Variants in RBMS1 observed in about 807,000 individuals in gnomAD.
RBMS1 encodes RNA-binding motif, single-stranded-interacting protein 1.
Under a neutral mutation model 62.3 loss-of-function variants are expected in RBMS1, and 17 were observed. That is an observed-to-expected ratio of 0.27 (90% CI 0.19 to 0.41). The LOEUF (loss-of-function observed/expected upper bound fraction) is 0.41. RBMS1 is among the 10% of genes least tolerant of loss of function. The pLI, the probability that RBMS1 is intolerant of heterozygous loss-of-function variation, is 1.00. For synonymous variants in RBMS1, 172 were observed against 170.0 expected, an observed-to-expected ratio of 1.01 and a Z score of -0.09; for missense variants, 334 against 504.5, an observed-to-expected ratio of 0.66 and a Z score of 3.24.
intron 1 of RBMS1, among the ~76,000 whole-genome samples, chr2:160,419,872 C>T (rs1253875050): frequency 6.6e-6 from 1 of 152,174 alleles, no homozygotes; most frequent in East Asian, 1.9e-4. Flanking sequence ...ACAAAGGTTA[C>T]AGTAAACCCA....
chr2:160,365,784 C>T (rs945007914), intron 2 of RBMS1, among the ~76,000 whole-genome samples: 5 of 152,192 alleles, frequency 3.3e-5, no homozygotes, highest in African/African-American at 1.2e-4. Context: ...CTCTTATCTA[C>T]CTGTAATTAC....
At chr2:160,426,282 AAAGAAAGAAAAGAAAGAAG>A (rs1682596583) in intron 1 of RBMS1, among the ~76,000 whole-genome samples, 2 of 111,694 alleles carry the variant, frequency 1.8e-5, no homozygotes, top group Admixed American at 9.5e-5. Flanking sequence ...AGAAAGAAAG[AAAGAAAGAAAAGAAAGAAG>A]GAAGGAAGGA....
chr2:160,489,344 C>T (rs917682538), intron 1 of RBMS1, among the ~76,000 whole-genome samples: 1 of 152,186 alleles, frequency 6.6e-6, no homozygotes, highest in Non-Finnish European at 1.5e-5. Context: ...TTTAAGCAAA[C>T]TTTATTTACA....
At chr2:160,368,313 T>G (rs1693523406) in intron 1 of RBMS1, among the ~76,000 whole-genome samples, 1 of 152,124 alleles carries the variant, frequency 6.6e-6, no homozygotes, top group African/African-American at 2.4e-5. Flanking sequence ...ATTTTCTAAA[T>G]CATAAATATA....
chr2:160,434,198 T>C (rs1412411678), intron 1 of RBMS1, among the ~76,000 whole-genome samples: 1 of 152,150 alleles, frequency 6.6e-6, no homozygotes, highest in African/African-American at 2.4e-5. Flanking sequence ...TAACATTCAA[T>C]AGAAAAACTG....
intron 1 of RBMS1, among the ~76,000 whole-genome samples, chr2:160,484,819 T>C (rs796995776): frequency 9.6e-4 from 140 of 145,262 alleles, no homozygotes; most frequent in African/African-American, 3.2e-3. Flanking sequence ...TGCAGTAAGC[T>C]GAGATTGTGC....
At position 160,484,228 on chromosome 2, in the gene RBMS1, G is replaced by T. The variant is rs578004294; in HGVS notation, c.75+9061C>A. ...ATGTACGCCATAGGCCGGCGCGGTGGCTCATGCCTGTAATCCCAGCACTTT... is the reference window on the plus strand; with the variant it reads ...ATGTACGCCATAGGCCGGCGCGGTGTCTCATGCCTGTAATCCCAGCACTTT... On this transcript the variant is annotated intron_variant, in intron 1 of 13. Transcript: ENST00000348849. 3.9e-5 allele frequency among the ~76,000 whole-genome samples: 6 copies of T among 152,258 alleles called. No individual in the cohort carries two copies. In the South Asian group the frequency reaches 1.2e-3, roughly 32 times the overall value.
intron 1 of RBMS1, among the ~76,000 whole-genome samples, chr2:160,466,493 G>C (rs959726972): frequency 2.0e-5 from 3 of 152,180 alleles, no homozygotes; most frequent in African/African-American, 7.2e-5. Context: ...AATTGGAACA[G>C]TGAAGTCCTC....
chr2:160,483,595 C>T (rs1685458982), intron 1 of RBMS1, among the ~76,000 whole-genome samples: 2 of 152,118 alleles, frequency 1.3e-5, no homozygotes, highest in South Asian at 4.2e-4. Context: ...ATTTTTTAGC[C>T]AAATTTTGTC....
chr2:160,311,232 C>CTCTCTCTCTCTCTCTCTCTCTA (rs1553505424), intron 4 of RBMS1, among the ~76,000 whole-genome samples: 21 of 79,252 alleles, frequency 2.6e-4, no homozygotes, highest in East Asian at 1.6e-3. Context: ...ATCTATCTAT[C>CTCTCTCTCTCTCTCTCTCTCTA]TATATATATA....
intron 1 of RBMS1, among the ~76,000 whole-genome samples, chr2:160,467,285 G>A (rs1369101126): frequency 6.6e-6 from 1 of 152,068 alleles, no homozygotes; most frequent in Non-Finnish European, 1.5e-5. Flanking sequence ...AAGTGTACAA[G>A]GTGAAAGCCT....
intron 1 of RBMS1, among the ~76,000 whole-genome samples, chr2:160,388,462 G>C (rs1329759960): frequency 2.0e-5 from 3 of 152,152 alleles, no homozygotes; most frequent in Non-Finnish European, 4.4e-5. Flanking sequence ...TTGAAATTCA[G>C]AGACCCAGTG....
chr2:160,352,191 C>G (rs1328704387), intron 2 of RBMS1, among the ~76,000 whole-genome samples: 3 of 152,112 alleles, frequency 2.0e-5, no homozygotes, highest in African/African-American at 4.8e-5. Flanking sequence ...TTTCCCAGCT[C>G]TAATGCCGGA....
rs1553505434 is a variant in RBMS1 at position 160,311,234 on chromosome 2, A to ATATATCTATATATCTATATC, written c.402+1921_402+1922insGATATAGATATATAGATATA. Among the ~76,000 whole-genome samples the ATATATCTATATATCTATATC allele has an allele frequency of 7.4e-5, 8 of 107,426 alleles. No homozygotes were observed. The East Asian group carries it at 1.8e-3, about 24-fold the overall frequency. The allele number at this position is 107,426 out of a possible 152,430, so 70.5% of individuals were successfully genotyped here. A position where few individuals can be genotyped will look rare whatever the true frequency, so the allele number is the denominator to read the frequency against. ...AATCTATCTATCTATCTATCTATCTATATATATATATATATATATATATAG... is the reference window on the plus strand; with the variant it reads ...AATCTATCTATCTATCTATCTATCTATATATCTATATATCTATATCTATATATATATATATATATATATAG... On this transcript the variant is annotated intron_variant, in intron 4 of 13. Coordinates refer to ENST00000348849, the MANE Select transcript of RBMS1 (RefSeq NM_016836.4).
At position 160,272,683 on chromosome 2, in the gene RBMS1, T is replaced by A. The variant is rs1474830306; in HGVS notation, c.*2089A>T. The stretch of plus-strand genomic sequence containing the variant: ...GGTACACAGAGGGTGCTGCGTTCAG[T>A]CTGGACTTTCACAAAGCAGTAATAT... On this transcript the variant is annotated 3_prime_UTR_variant, in exon 14 of 14. Coordinates refer to ENST00000348849, the MANE Select transcript of RBMS1 (RefSeq NM_016836.4). The A allele has an allele frequency of 6.6e-6, 1 of 152,196 alleles. No individual in the cohort carries two copies. Among genetic ancestry groups the A allele is most frequent in the Non-Finnish European group, 1.5e-5 (1 of 68,042 alleles). The allele number at this position is 152,196 out of a possible 1,614,324, so 9.4% of individuals were successfully genotyped here.
chr2:160,342,686 T>A (rs1406150764), intron 2 of RBMS1, among the ~76,000 whole-genome samples: 1 of 146,788 alleles, frequency 6.8e-6, no homozygotes, highest in African/African-American at 2.5e-5. Context: ...GAGGCCGAGG[T>A]GGGCGGATCA....
At chr2:160,441,965 T>C (rs556448326) in intron 1 of RBMS1, among the ~76,000 whole-genome samples, 1 of 152,362 alleles carries the variant, frequency 6.6e-6, no homozygotes, top group East Asian at 1.9e-4. Flanking sequence ...TCTTCTTTTG[T>C]GCAGTGCCTT....
intron 1 of RBMS1, among the ~76,000 whole-genome samples, chr2:160,381,803 G>C (rs1003618500): frequency 6.6e-6 from 1 of 152,198 alleles, no homozygotes; most frequent in African/African-American, 2.4e-5. Flanking sequence ...CAAGAAACTG[G>C]TTGCAAAACA....
At chr2:160,319,282 C>T (rs1184642567) in intron 2 of RBMS1, among the ~76,000 whole-genome samples, 7 of 152,244 alleles carry the variant, frequency 4.6e-5, no homozygotes, top group South Asian at 2.1e-4. Context: ...GAGGGTGAGG[C>T]GGATGGATCA....
Sources: allele counts gnomAD v4.1 joint callset (sites outside exome capture counted in the v4.1 genomes callset), GRCh38; gene constraint gnomAD v4.1.1; transcripts MANE v1.5; gene names NCBI Gene and HGNC (gene_info 2026-07-23, HGNC 2026-07-21).